The following TSHZ2 variants were observed in gnomAD, a reference collection of about 807,000 sequenced individuals.
TSHZ2 encodes teashirt homolog 2.
TSHZ2 carries 21 observed loss-of-function variants against 74.4 expected under a neutral mutation model. That is an observed-to-expected ratio of 0.28 (90% confidence interval 0.20 to 0.41). TSHZ2 has a LOEUF of 0.41. Ranked by LOEUF, TSHZ2 falls within the 10% of genes least tolerant of loss-of-function variation. TSHZ2 has a pLI of 1.00. For missense variants in TSHZ2, 1,244 were observed against 1,293.5 expected (o/e 0.96, Z 0.59); for synonymous variants, 540 against 515.3 (o/e 1.05, Z -0.65).
chr20:53,164,852 A>G (rs1988029813), intron 1 of TSHZ2, among the ~76,000 whole-genome samples: 1 of 152,224 alleles, frequency 6.6e-6, no homozygotes, highest in African/African-American at 2.4e-5. Context: ...CATTATTTCC[A>G]TAAGGAATTC....
At chr20:53,392,499 T>C (rs532283382) in intron 2 of TSHZ2, among the ~76,000 whole-genome samples, 20 of 152,314 alleles carry the variant, frequency 1.3e-4, no homozygotes, top group African/African-American at 2.4e-4. Context: ...CATGGTGTAC[T>C]TAAGATGTAA....
chr20:53,101,349 G>C (rs1986211709), intron 1 of TSHZ2, among the ~76,000 whole-genome samples: 2 of 152,158 alleles, frequency 1.3e-5, no homozygotes, highest in Admixed American at 6.5e-5. Context: ...TGAAAAAGGA[G>C]GGGGGAGTGA....
chr20:53,426,245 C>T (rs756285256), intron 2 of TSHZ2, among the ~76,000 whole-genome samples: 7 of 152,138 alleles, frequency 4.6e-5, no homozygotes, highest in South Asian at 2.1e-4. Flanking sequence ...AGAGGAAAGT[C>T]CTCAAGTTGT....
intron 2 of TSHZ2, among the ~76,000 whole-genome samples, chr20:53,385,825 C>T (rs767759598): frequency 1.1e-4 from 16 of 151,926 alleles, no homozygotes; most frequent in Admixed American, 4.6e-4. Flanking sequence ...CTGGAACTTT[C>T]GAGAATCTGA....
chr20:53,176,464 A>G (rs1410069981), intron 1 of TSHZ2, among the ~76,000 whole-genome samples: 1 of 152,066 alleles, frequency 6.6e-6, no homozygotes, highest in Non-Finnish European at 1.5e-5. Flanking sequence ...GAGGGTTGCT[A>G]GGGAGCATTG....
At chr20:53,163,865 A>G (rs939573513) in intron 1 of TSHZ2, among the ~76,000 whole-genome samples, 1 of 152,340 alleles carries the variant, frequency 6.6e-6, no homozygotes, top group East Asian at 1.9e-4. Context: ...TGTTGTTGTT[A>G]GTTGCTGGAT....
intron 1 of TSHZ2, among the ~76,000 whole-genome samples, chr20:53,104,421 A>G (rs1046433121): frequency 6.6e-6 from 1 of 152,222 alleles, no homozygotes; most frequent in Non-Finnish European, 1.5e-5. Flanking sequence ...TTTCACTTGC[A>G]TTTTAAGCAA....
intron 2 of TSHZ2, among the ~76,000 whole-genome samples, chr20:53,359,490 G>T (rs1004757034): frequency 6.6e-6 from 1 of 152,134 alleles, no homozygotes; most frequent in Non-Finnish European, 1.5e-5. Context: ...ATTACACGTT[G>T]TTTATCTGAA....
chr20:53,078,155 C>T (rs1568748745), intron 1 of TSHZ2, among the ~76,000 whole-genome samples: 1 of 152,188 alleles, frequency 6.6e-6, no homozygotes, highest in Non-Finnish European at 1.5e-5. Flanking sequence ...TCTGTGTGTT[C>T]ACGCTAAGAA....
At chr20:53,292,536 C>T (rs1390001323) in intron 2 of TSHZ2, among the ~76,000 whole-genome samples, 5 of 151,022 alleles carry the variant, frequency 3.3e-5, no homozygotes, top group Admixed American at 2.6e-4. Context: ...CAGCCTTGAA[C>T]TCCCAGGTTC....
intron 2 of TSHZ2, among the ~76,000 whole-genome samples, chr20:53,430,572 G>A (rs2145731325): frequency 6.7e-6 from 1 of 149,510 alleles, no homozygotes; most frequent in East Asian, 2.2e-4. Context: ...GCTCACACCT[G>A]TAATCCTAGC....
chr20:53,380,071 G>A (rs1981801757), intron 2 of TSHZ2, among the ~76,000 whole-genome samples: 1 of 152,076 alleles, frequency 6.6e-6, no homozygotes, highest in East Asian at 1.9e-4. Context: ...GTAATTTAAG[G>A]CATTTCAGCC....
chr20:53,469,664 G>A (rs1394360095), intron 2 of TSHZ2, among the ~76,000 whole-genome samples: 2 of 85,074 alleles, frequency 2.4e-5, no homozygotes, highest in Non-Finnish European at 5.0e-5. Context: ...AAGGAAGGAA[G>A]GAAGGAAGGA....
intron 1 of TSHZ2, among the ~76,000 whole-genome samples, chr20:53,218,619 C>G (rs555638818): frequency 5.9e-5 from 9 of 152,162 alleles, no homozygotes; most frequent in Non-Finnish European, 1.3e-4. Flanking sequence ...CTCAGCAACT[C>G]TCCCCAATAC....
At chr20:53,247,170 G>C (rs754772109) in intron 1 of TSHZ2, among the ~76,000 whole-genome samples, 2 of 152,178 alleles carry the variant, frequency 1.3e-5, no homozygotes, top group Non-Finnish European at 2.9e-5. Flanking sequence ...TAACACTTAT[G>C]TTATATGTGG....
At chr20:53,096,881 AAAAC>A (rs1422337039) in intron 1 of TSHZ2, among the ~76,000 whole-genome samples, 2 of 151,976 alleles carry the variant, frequency 1.3e-5, no homozygotes, top group Admixed American at 6.5e-5. Flanking sequence ...AAACTCCATT[AAAAC>A]AAACAAAAAA....
rs1990482030 is a variant in TSHZ2, at chr20:53,256,357, G to A, written c.2899G>A (p.Val967Met). 2 of 1,613,304 alleles carry A rather than the reference G, an allele frequency of 1.2e-6. No individual in the cohort carries two copies. Among genetic ancestry groups the A allele is most frequent in the East Asian group, 2.2e-5 (1 of 44,860 alleles). Reference sequence around the variant, plus strand: ...CTTGTCAGTGGACCAGCAAAGCAAGGTGGAGCAAGAGATCTCCCGGGTATC... The same window carrying A: ...CTTGTCAGTGGACCAGCAAAGCAAGATGGAGCAAGAGATCTCCCGGGTATC... Reference protein sequence around the residue: ...TRLSVDQQSKVEQEISRVSSA... With the variant: ...TRLSVDQQSKMEQEISRVSSA... Residue 967 changes from valine to methionine, a missense_variant, in exon 2 of 3, where the codon GTG (valine) becomes ATG (methionine). This residue lies in a region of TSHZ2 where 185 missense variants were observed against 213.3 expected (regional missense o/e 0.87). Coordinates refer to ENST00000371497, the MANE Select transcript of TSHZ2 (RefSeq NM_173485.6). This position sits in a 1 kb window ranked among gnomAD's most constrained non-coding sequence, Gnocchi z 4.3.
intron 2 of TSHZ2, among the ~76,000 whole-genome samples, chr20:53,427,315 T>C (rs1287568178): frequency 6.6e-6 from 1 of 152,172 alleles, no homozygotes; most frequent in Non-Finnish European, 1.5e-5. Flanking sequence ...AACCCTTGAT[T>C]ACGGATTGGC....
intron 1 of TSHZ2, among the ~76,000 whole-genome samples, chr20:53,188,973 G>A (rs2057759): frequency 0.047 from 7,199 of 152,252 alleles, 480 homozygotes; most frequent in East Asian, 0.34. Flanking sequence ...AGATGAGGTT[G>A]GAGAGAGCTA....
Sources: allele counts gnomAD v4.1 joint callset (sites outside exome capture counted in the v4.1 genomes callset), GRCh38; gene constraint gnomAD v4.1.1; regional missense constraint gnomAD v4.1.1; non-coding constraint Gnocchi (gnomAD v3.1); transcripts MANE v1.5; gene names NCBI Gene and HGNC (gene_info 2026-07-23, HGNC 2026-07-21).